The following SLC26A7 variants were observed in gnomAD, a reference collection of about 807,000 sequenced individuals.
SLC26A7 encodes the protein anion exchange transporter.
Under a neutral mutation model 82.5 loss-of-function variants are expected in SLC26A7, and 59 were observed. That is an observed-to-expected ratio of 0.72 (90% CI 0.58 to 0.89). The LOEUF (loss-of-function observed/expected upper bound fraction) is 0.89, where lower values mean the gene tolerates loss of function less well. Among genes scored for constraint, SLC26A7 ranks in the 40% least tolerant of loss-of-function variants. The probability of loss-of-function intolerance (pLI) is 0.00; values close to 1 mark genes in which losing one functional copy is unlikely to be tolerated. For synonymous variants in SLC26A7, 271 were observed against 274.3 expected, an observed-to-expected ratio of 0.99 and a Z score of 0.12; for missense variants, 820 against 793.0, an observed-to-expected ratio of 1.03 and a Z score of -0.41.
chr8:91,236,369 T>C (rs191027729), intron 2 of SLC26A7, among the ~76,000 whole-genome samples: 1 of 152,334 alleles, frequency 6.6e-6, no homozygotes, highest in African/African-American at 2.4e-5. Flanking sequence ...AAAGTCCCTC[T>C]GAGTAATTTC....
At chr8:91,367,100 C>T (rs967353746) in intron 14 of SLC26A7, among the ~76,000 whole-genome samples, 2 of 152,008 alleles carry the variant, frequency 1.3e-5, no homozygotes, top group African/African-American at 2.4e-5. Context: ...CTCCGCCTCC[C>T]GGGTTCACGC....
chr8:91,224,983 G>A (rs963665677), intron 2 of SLC26A7, among the ~76,000 whole-genome samples: 3 of 152,238 alleles, frequency 2.0e-5, no homozygotes, highest in African/African-American at 7.2e-5. Context: ...CAGCCAATGC[G>A]TTGGGCTGTG....
At chr8:91,252,653 C>T (rs549386520) in intron 2 of SLC26A7, among the ~76,000 whole-genome samples, 2 of 150,026 alleles carry the variant, frequency 1.3e-5, no homozygotes, top group Admixed American at 6.6e-5. Context: ...GCTAATGAAA[C>T]TTTCTTCTCA....
chr8:91,258,428 G>C (rs146078671), intron 2 of SLC26A7, among the ~76,000 whole-genome samples: 1,612 of 151,930 alleles, frequency 0.011, 32 homozygotes, highest in Admixed American at 0.052. Context: ...TTTCATGCCA[G>C]AAACCTGGGA....
chr8:91,382,036 AAT>A (rs1345603364), intron 15 of SLC26A7, among the ~76,000 whole-genome samples: 3 of 152,142 alleles, frequency 2.0e-5, no homozygotes, highest in African/African-American at 7.2e-5. Flanking sequence ...TACCAGACAC[AAT>A]AATAGATCAG....
chr8:91,258,998 C>A (rs1042363579), intron 2 of SLC26A7, among the ~76,000 whole-genome samples: 12 of 152,090 alleles, frequency 7.9e-5, no homozygotes, highest in African/African-American at 2.9e-4. Flanking sequence ...TTCACATGAT[C>A]TCCTTGGCCT....
chr8:91,332,112 A>C (rs943981588), intron 5 of SLC26A7, among the ~76,000 whole-genome samples: 1 of 149,046 alleles, frequency 6.7e-6, no homozygotes, highest in Non-Finnish European at 1.5e-5. Context: ...TGCAACTGTT[A>C]TATTTCTGGG....
rs540359462 is a variant in SLC26A7, at chr8:91,334,245, A to G, written c.643-50A>G. On this transcript the variant is annotated intron_variant, in intron 5 of 18. Coordinates refer to ENST00000276609, the MANE Select transcript of SLC26A7 (RefSeq NM_052832.4). ...ATTGGGGCCATATTTTCATGTTGGT[A>G]TATTATAGGTGACCCTGAATTTTGT... 4.6e-5 allele frequency: 70 copies of G among 1,516,562 alleles called. 1 individual carries two copies. In the South Asian group the frequency reaches 5.1e-4, roughly 11 times the overall value. The allele number at this position is 1,516,562 out of a possible 1,614,324, so 93.9% of individuals were successfully genotyped here.
At chr8:91,389,031 T>C (rs904682975) in intron 15 of SLC26A7, among the ~76,000 whole-genome samples, 2 of 152,222 alleles carry the variant, frequency 1.3e-5, no homozygotes, top group African/African-American at 4.8e-5. Context: ...TTGCCAGATA[T>C]TCTTTAAAAA....
intron 2 of SLC26A7, among the ~76,000 whole-genome samples, chr8:91,264,075 C>G (rs1811043772): frequency 6.6e-6 from 1 of 151,982 alleles, no homozygotes; most frequent in African/African-American, 2.4e-5. Context: ...GCTCCGCTTT[C>G]CTAAATGTTA....
chr8:91,211,595 A>AAT (rs144378729), intron 1 of SLC26A7, among the ~76,000 whole-genome samples: 26,846 of 140,152 alleles, frequency 0.19, 3,223 homozygotes, highest in South Asian at 0.34. Flanking sequence ...CAATTATACA[A>AAT]ATATATATAT....
intron 2 of SLC26A7, among the ~76,000 whole-genome samples, chr8:91,276,895 T>TG (rs1307653540): frequency 1.3e-5 from 2 of 152,158 alleles, no homozygotes; most frequent in Non-Finnish European, 2.9e-5. Flanking sequence ...CTTCCTAACC[T>TG]GGGGGTCTCA....
chr8:91,225,471 C>T (rs1810220827), intron 2 of SLC26A7, among the ~76,000 whole-genome samples: 1 of 151,870 alleles, frequency 6.6e-6, no homozygotes, highest in South Asian at 2.1e-4. Context: ...GCTCTTCCTT[C>T]TCTCGTGGGT....
intron 2 of SLC26A7, among the ~76,000 whole-genome samples, chr8:91,273,119 A>G (rs1006890764): frequency 6.6e-6 from 1 of 152,136 alleles, no homozygotes; most frequent in African/African-American, 2.4e-5. Flanking sequence ...TCTGAGATAG[A>G]GCATAAATAA....
chr8:91,228,989 A>G (rs1810276752), intron 2 of SLC26A7, among the ~76,000 whole-genome samples: 1 of 152,200 alleles, frequency 6.6e-6, no homozygotes. Context: ...TACTTCTCAT[A>G]AGGAAGACAT....
intron 15 of SLC26A7, among the ~76,000 whole-genome samples, chr8:91,377,346 G>T (rs189705231): frequency 3.9e-5 from 6 of 152,204 alleles, no homozygotes; most frequent in African/African-American, 1.2e-4. Context: ...TTTGTCCCAG[G>T]GGGGCTTTGG....
intron 2 of SLC26A7, among the ~76,000 whole-genome samples, chr8:91,228,864 T>A (rs1810274993): frequency 6.6e-6 from 1 of 152,186 alleles, no homozygotes; most frequent in Non-Finnish European, 1.5e-5. Context: ...AATGCCTCAT[T>A]CAAGTAACAT....
chr8:91,240,070 A>G (rs1810453560), intron 2 of SLC26A7, among the ~76,000 whole-genome samples: 1 of 152,150 alleles, frequency 6.6e-6, no homozygotes, highest in Non-Finnish European at 1.5e-5. Context: ...ACTTATCTAA[A>G]TTCTTCCCTC....
chr8:91,365,223 C>T (rs565778548), intron 13 of SLC26A7, among the ~76,000 whole-genome samples: 8 of 152,234 alleles, frequency 5.3e-5, no homozygotes, highest in African/African-American at 1.9e-4. Context: ...CAGGGTTGTC[C>T]AATCTTTTGG....
Sources: allele counts gnomAD v4.1 joint callset (sites outside exome capture counted in the v4.1 genomes callset), GRCh38; gene constraint gnomAD v4.1.1; transcripts MANE v1.5; gene names NCBI Gene and HGNC (gene_info 2026-07-23, HGNC 2026-07-21).